The following ZNF525 variants were observed in gnomAD, a reference collection of about 807,000 sequenced individuals.
The protein encoded by ZNF525 is zinc finger protein 525.
Under a neutral mutation model 37.6 loss-of-function variants are expected in ZNF525, and 33 were observed. The ratio of observed to expected loss-of-function variants is 0.88; its 90% CI spans 0.67 to 1.17. ZNF525 has a LOEUF of 1.17. Among genes scored for constraint, ZNF525 ranks in the 50% most tolerant of loss-of-function variants. The pLI is 0.00. For missense variants in ZNF525, 449 were observed against 543.1 expected, an observed-to-expected ratio of 0.83 and a Z score of 1.72; for synonymous variants, 170 against 182.3, an observed-to-expected ratio of 0.93 and a Z score of 0.54.
At chr19:53,367,313 AT>A (rs1555826371) in intron 1 of ZNF525, among the ~76,000 whole-genome samples, 4,969 of 76,452 alleles carry the variant, frequency 0.065, 245 homozygotes, top group African/African-American at 0.14. Context: ...GAATGAATAC[AT>A]TTTTTTTTTT....
In ZNF525 at chr19:53,386,416, T is replaced by C; in HGVS notation, c.*4397T>C. The C allele has an allele frequency of 1.2e-6, 1 of 815,486 alleles. No homozygotes were observed. The highest frequency in any genetic ancestry group is 2.1e-6 in the Non-Finnish European group (1 of 482,204). The allele number at this position is 815,486 out of a possible 1,614,324, so 50.5% of individuals were successfully genotyped here. On this transcript the variant is annotated 3_prime_UTR_variant, in exon 4 of 4. Coordinates refer to ENST00000474037, the MANE Select transcript of ZNF525 (RefSeq NM_001348156.2). ...AATTGCATGTGAGATGGCACACATA[T>C]TTATGCTGTCTGAGCATCACAATCA...
chr19:53,385,327 G>T lies in ZNF525; in HGVS notation c.*3308G>T. ...ATGCCCTCAAAAGGATAAGACATGA[G>T]TATAAAAAGAGACTCCATCAAAGCA... On this transcript the variant is annotated 3_prime_UTR_variant, in exon 4 of 4. Coordinates refer to ENST00000474037, the MANE Select transcript of ZNF525 (RefSeq NM_001348156.2). 4.8e-6 allele frequency: 1 copy of T among 209,374 alleles called. No individual in the cohort carries two copies. 13.0% of individuals were successfully genotyped at this position (209,374 alleles called of 1,614,324 possible).
Position 53,382,649 on chromosome 19 carries a change from A to G in ZNF525, c.*630A>G. 1.4e-6 allele frequency: 1 copy of G among 712,722 alleles called. No individual in the cohort carries two copies. The highest frequency in any genetic ancestry group is 1.4e-5 in the South Asian group (1 of 71,618). 44.1% of individuals were successfully genotyped at this position (712,722 alleles called of 1,614,324 possible). On this transcript the variant is annotated 3_prime_UTR_variant, in exon 4 of 4. Coordinates refer to ENST00000474037, the MANE Select transcript of ZNF525 (RefSeq NM_001348156.2). ...AATCCATGGCAGAGGGAAACTTTAC[A>G]AATGTAATGATTGTCACCACGTCTT...
intron 1 of ZNF525, among the ~76,000 whole-genome samples, chr19:53,371,201 T>C (rs960322719): frequency 6.7e-6 from 1 of 148,466 alleles, no homozygotes; most frequent in African/African-American, 2.5e-5. Flanking sequence ...AGAAACGCTT[T>C]TTTTTTTTTT....
intron 3 of ZNF525, chr19:53,376,151 C>A: frequency 1.1e-6 from 1 of 905,778 alleles, no homozygotes; most frequent in Non-Finnish European, 1.8e-6. Context: ...TCTTGCTGTG[C>A]GGTTGAAGTT....
rs1211054774 is a variant in ZNF525, at chr19:53,381,294, G to T, written c.715G>T (p.Gly239Ter). 6.9e-7 allele frequency: 1 copy of T among 1,459,788 alleles called. No homozygotes were observed. The highest frequency in any genetic ancestry group is 9.6e-7 in the Non-Finnish European group (1 of 1,039,320). 90.4% of individuals were successfully genotyped at this position (1,459,788 alleles called of 1,614,324 possible). A position where few individuals can be genotyped will look rare whatever the true frequency, so the allele number is the denominator to read the frequency against. ...LLRKHQIIHL[G>*]EKQYKCDVCD... ...AAGGAAACATCAGATTATTCATCTA[G>T]GAGAGAAACAATATAAATGTGATGT... The change falls in exon 4 of 4, where the codon GGA becomes TGA. Residue 239 changes from glycine to a stop codon, truncating the protein, a stop_gained. Coordinates refer to ENST00000474037, the MANE Select transcript of ZNF525 (RefSeq NM_001348156.2). LOFTEE classifies it high-confidence loss of function.
chr19:53,367,650 C>G (rs1424640850), intron 1 of ZNF525, among the ~76,000 whole-genome samples: 1 of 152,208 alleles, frequency 6.6e-6, no homozygotes, highest in African/African-American at 2.4e-5. Flanking sequence ...TCTACTTTGT[C>G]TAAGTCTGGA....
At position 53,369,330 on chromosome 19, in the gene ZNF525, C is replaced by T. The variant is rs1600010500; in HGVS notation, c.-67-2885C>T. Among the ~76,000 whole-genome samples, 3 of 152,058 alleles carry T rather than the reference C, an allele frequency of 2.0e-5. No individual in the cohort carries two copies. In the East Asian group the frequency reaches 5.8e-4, roughly 29 times the overall value. ...CAATCTTGGCCCACTGCAACCTCCA[C>T]CTCCCAGGTTCAAGTGATCCTCCTG... On this transcript the variant is annotated intron_variant, in intron 1 of 3. Transcript: ENST00000474037.
At chr19:53,375,418 C>A (rs1472051858) in intron 2 of ZNF525, among the ~76,000 whole-genome samples, 1 of 152,072 alleles carries the variant, frequency 6.6e-6, no homozygotes, top group African/African-American at 2.4e-5. Flanking sequence ...AACTCCGTTT[C>A]TACTAAAAAT....
rs2085554944 is a variant in ZNF525, at chr19:53,380,889, G to A, written c.310G>A (p.Asp104Asn). The change falls in exon 4 of 4, where the codon GAT becomes AAT. Residue 104 changes from aspartate (D) to asparagine (N), a missense_variant. By Grantham distance (23) the Asp-to-Asn change is conservative (BLOSUM62 1). This residue lies in a region of ZNF525 where 271 missense variants were observed against 381.6 expected (regional missense o/e 0.71). Transcript: ENST00000474037. Reference sequence around the variant, plus strand: ...TAACTTTGAGTTTCAGTGGCAAGAAGATGAAAGAAATGGCCATGAAGCACC... The same window carrying A: ...TAACTTTGAGTTTCAGTGGCAAGAAAATGAAAGAAATGGCCATGAAGCACC... ...IHNFEFQWQE[D>N]ERNGHEAPMT... 2.0e-6 allele frequency: 3 copies of A among 1,480,712 alleles called. No homozygotes were observed. The highest frequency in any genetic ancestry group is 1.4e-5 in the African/African-American group (1 of 72,188). The allele number at this position is 1,480,712 out of a possible 1,614,324, so 91.7% of individuals were successfully genotyped here. A position where few individuals can be genotyped will look rare whatever the true frequency, so the allele number is the denominator to read the frequency against.
chr19:53,366,972 C>G (rs956762907), intron 1 of ZNF525, among the ~76,000 whole-genome samples: 9 of 151,868 alleles, frequency 5.9e-5, no homozygotes, highest in East Asian at 4.0e-4. Context: ...TTTCAACAAA[C>G]ACAGAGTGGG....
rs192452671 is a variant in ZNF525, at chr19:53,383,788, T to C, written c.*1769T>C. On this transcript the variant is annotated 3_prime_UTR_variant, in exon 4 of 4. Transcript: ENST00000474037. ...GACATCGTTCATACATTGCCGTTCA[T>C]TGGCGAACTCATGCTGGAGAGAAAT... The C allele has an allele frequency of 2.2e-4, 118 of 526,182 alleles. 1 individual carries two copies. Among genetic ancestry groups the C allele is most frequent in the African/African-American group, 1.5e-3 (80 of 52,046 alleles). The allele number at this position is 526,182 out of a possible 1,614,324, so 32.6% of individuals were successfully genotyped here. A position where few individuals can be genotyped will look rare whatever the true frequency, so the allele number is the denominator to read the frequency against.
rs1031998777 is a variant in ZNF525, at chr19:53,384,255, G to A, written c.*2236G>A. ...TCCCAGCACTTTGGTAGGCCAAGGT[G>A]GGTAAATCACTTGAGGTCAGGAGTT... is the stretch of plus-strand genomic sequence containing the variant. On this transcript the variant is annotated 3_prime_UTR_variant, in exon 4 of 4. Coordinates refer to ENST00000474037, the MANE Select transcript of ZNF525 (RefSeq NM_001348156.2). 2 of 238,558 alleles carry A rather than the reference G, an allele frequency of 8.4e-6. No homozygotes were observed. Among genetic ancestry groups the A allele is most frequent in the Non-Finnish European group, 1.7e-5 (2 of 117,734 alleles). 14.8% of individuals were successfully genotyped at this position (238,558 alleles called of 1,614,324 possible). A position where few individuals can be genotyped will look rare whatever the true frequency, so the allele number is the denominator to read the frequency against.
chr19:53,374,987 C>A (rs7250317), intron 2 of ZNF525, among the ~76,000 whole-genome samples: 109,235 of 151,792 alleles, frequency 0.72, 39,411 homozygotes, highest in Admixed American at 0.77. Flanking sequence ...CCATCCTCCT[C>A]CGTCAGGCTC....
In ZNF525 at chr19:53,383,644, A is replaced by G. The variant is rs527739864; in HGVS notation, c.*1625A>G. The G allele has an allele frequency of 1.1e-4, 119 of 1,042,350 alleles. No homozygotes were observed. The African/African-American group carries it at 1.8e-3, about 15-fold the overall frequency. 64.6% of individuals were successfully genotyped at this position (1,042,350 alleles called of 1,614,324 possible). Reference sequence around the variant, plus strand: ...ATCAGGCAATCCGTAGTGTAGGGAAACTTGACTAACGTAATGATTCTCACA... The same window carrying G: ...ATCAGGCAATCCGTAGTGTAGGGAAGCTTGACTAACGTAATGATTCTCACA... On this transcript the variant is annotated 3_prime_UTR_variant, in exon 4 of 4. Coordinates refer to ENST00000474037, the MANE Select transcript of ZNF525 (RefSeq NM_001348156.2).
intron 3 of ZNF525, 177 bp downstream of exon 3, chr19:53,376,073 C>G (rs2085519786): frequency 7.3e-7 from 1 of 1,371,660 alleles, no homozygotes; most frequent in African/African-American, 1.4e-5. Flanking sequence ...TCAGCCTCCC[C>G]TCGTAGTGGT....
intron 1 of ZNF525, among the ~76,000 whole-genome samples, chr19:53,370,454 A>C (rs1191489532): frequency 6.7e-6 from 1 of 149,446 alleles, no homozygotes; most frequent in East Asian, 2.0e-4. Flanking sequence ...CTTCTCACTC[A>C]TCTCAGACCT....
intron 1 of ZNF525, among the ~76,000 whole-genome samples, chr19:53,368,188 G>A (rs954377352): frequency 6.6e-6 from 1 of 152,148 alleles, no homozygotes; most frequent in African/African-American, 2.4e-5. Context: ...TAGGCCTGTG[G>A]CACACAGTTC....
Position 53,375,811 on chromosome 19 carries a change from G to T in ZNF525, c.57G>T (p.Gln19His). The T allele has an allele frequency of 6.2e-7, 1 of 1,613,924 alleles. No individual in the cohort carries two copies. Residue 19 changes from glutamine (Q) to histidine (H), a missense_variant, in exon 3 of 4, where the codon CAG (glutamine) becomes CAT (histidine). Physicochemically the swap from Gln to His is conservative, Grantham distance 24. This residue lies in a region of ZNF525 where 271 missense variants were observed against 381.6 expected (regional missense o/e 0.71). Transcript: ENST00000474037. The stretch of plus-strand genomic sequence containing the variant: ...GGGATGTGGCCATAGAATTCTCTCA[G>T]GAGGAGTGGAAATGCCTGGACCCTG... The part of the protein sequence containing the change: ...TFRDVAIEFS[Q>H]EEWKCLDPAQ...
Sources: allele counts gnomAD v4.1 joint callset (sites outside exome capture counted in the v4.1 genomes callset), GRCh38; gene constraint gnomAD v4.1.1; regional missense constraint gnomAD v4.1.1; transcripts MANE v1.5; gene names NCBI Gene and HGNC (gene_info 2026-07-23, HGNC 2026-07-21).